The following NACC2 variants were observed in gnomAD, a reference collection of about 807,000 sequenced individuals.
The protein encoded by NACC2 is NACC family member 2.
NACC2 carries 8 observed loss-of-function variants against 25.1 expected under a neutral mutation model. The ratio of observed to expected loss-of-function variants is 0.32; its 90% CI spans 0.19 to 0.57. The LOEUF is 0.57. Ranked by LOEUF, NACC2 falls within the 20% of genes least tolerant of loss-of-function variation. The pLI, the probability that NACC2 is intolerant of heterozygous loss-of-function variation, is 0.89. For synonymous variants in NACC2, 435 were observed against 294.7 expected (o/e 1.48, Z -4.88); for missense variants, 644 against 650.2 (o/e 0.99, Z 0.10).
At chr9:136,036,804 G>C (rs1317047510) in intron 2 of NACC2, among the ~76,000 whole-genome samples, 4 of 152,102 alleles carry the variant, frequency 2.6e-5, no homozygotes, top group African/African-American at 9.7e-5. Context: ...ACTTCTAGAG[G>C]GTAAGGGGCA....
At chr9:136,070,679 AAC>A (rs1215076352) in intron 1 of NACC2, among the ~76,000 whole-genome samples, 13 of 151,106 alleles carry the variant, frequency 8.6e-5, no homozygotes, top group African/African-American at 3.2e-4. Context: ...AAAAAAAAAA[AAC>A]AAAAACCAAA....
chr9:136,085,351 C>T (rs1250714066), intron 1 of NACC2, among the ~76,000 whole-genome samples: 1 of 151,364 alleles, frequency 6.6e-6, no homozygotes, highest in Non-Finnish European at 1.5e-5. Flanking sequence ...TGTGGTGGTG[C>T]ACAAAAATTT....
intron 1 of NACC2, among the ~76,000 whole-genome samples, chr9:136,083,443 A>G (rs1830344635): frequency 1.3e-5 from 2 of 152,218 alleles, no homozygotes; most frequent in Non-Finnish European, 2.9e-5. Flanking sequence ...GCATCTCTCC[A>G]AAATCCACAT....
intron 2 of NACC2, among the ~76,000 whole-genome samples, chr9:136,047,195 G>A (rs1223727489): frequency 6.6e-6 from 1 of 152,114 alleles, no homozygotes; most frequent in African/African-American, 2.4e-5. Context: ...GTGTGAGGAC[G>A]TTCCCCGGAC....
chr9:136,025,914 AAAAC>A (rs1248424700), intron 2 of NACC2, among the ~76,000 whole-genome samples: 2 of 152,084 alleles, frequency 1.3e-5, no homozygotes, highest in African/African-American at 4.8e-5. Flanking sequence ...GACCATCTCG[AAAAC>A]AAACAAAAAA....
chr9:136,031,199 C>T (rs906191007), intron 2 of NACC2, among the ~76,000 whole-genome samples: 1 of 152,124 alleles, frequency 6.6e-6, no homozygotes, highest in Admixed American at 6.5e-5. Flanking sequence ...TCATTAAAGA[C>T]AAGGAAATAA....
At position 136,069,410 on chromosome 9, in the gene NACC2, G is replaced by A. The variant is rs113106016; in HGVS notation, c.-59-18830C>T. ...CTAAAAATACAAAAATTAGCCGGGC[G>A]TGGTGGCAGGCACCTGTAATCTCAG... On this transcript the variant is annotated intron_variant, in intron 1 of 5. Transcript: ENST00000277554. Among the ~76,000 whole-genome samples, 72 of 151,338 alleles carry A rather than the reference G, an allele frequency of 4.8e-4. 2 individuals carry two copies. The highest frequency in any genetic ancestry group is 1.6e-3 in the African/African-American group (65 of 40,870).
At chr9:136,079,339 G>T (rs1830297269) in intron 1 of NACC2, among the ~76,000 whole-genome samples, 1 of 152,206 alleles carries the variant, frequency 6.6e-6, no homozygotes, top group South Asian at 2.1e-4. Flanking sequence ...ATGGAACGGG[G>T]TGCCATCCTC....
At chr9:136,074,866 T>C (rs3922922) in intron 1 of NACC2, among the ~76,000 whole-genome samples, 39,845 of 152,084 alleles carry the variant, frequency 0.26, 5,590 homozygotes, top group African/African-American at 0.34. Flanking sequence ...GCAGGAAGCG[T>C]GGCCTTCCCA....
chr9:136,027,621 A>T (rs1028938144), intron 2 of NACC2, among the ~76,000 whole-genome samples: 1 of 152,028 alleles, frequency 6.6e-6, no homozygotes, highest in African/African-American at 2.4e-5. Context: ...ACATAACACA[A>T]GGGCAAAAGG....
rs915758155 is a variant in NACC2 at position 136,055,234 on chromosome 9, C to A, written c.-59-4654G>T. Among the ~76,000 whole-genome samples, 1 of 152,250 alleles carries A rather than the reference C, an allele frequency of 6.6e-6. No homozygotes were observed. The highest frequency in any genetic ancestry group is 1.5e-5 in the Non-Finnish European group (1 of 68,002). The stretch of plus-strand genomic sequence containing the variant: ...GGCTCACTGGAACTGCAGCCAGACG[C>A]GCACACAGGGGTTGGGGCAGCGTCT... On this transcript the variant is annotated intron_variant, in intron 1 of 5. Transcript: ENST00000277554. This position sits in a 1 kb window ranked among gnomAD's most constrained non-coding sequence, Gnocchi z 4.9.
At chr9:136,016,697 G>A (rs1015358315) in intron 2 of NACC2, among the ~76,000 whole-genome samples, 9 of 152,174 alleles carry the variant, frequency 5.9e-5, no homozygotes, top group African/African-American at 2.2e-4. Context: ...GATGTGAGGC[G>A]AGAGATGCCC....
chr9:136,018,100 C>G lies in NACC2; in HGVS notation c.887-1671G>C, dbSNP rs575894057. On this transcript the variant is annotated intron_variant, in intron 2 of 5. Coordinates refer to ENST00000277554, the MANE Select transcript of NACC2 (RefSeq NM_144653.5). The surrounding 1 kb of genome is among the most constrained non-coding windows in gnomAD (Gnocchi z 4.4). Reference sequence around the variant, plus strand: ...GGGTGGAACCTGCACGTCCAGCAGGCTCGGGGCAGGCAGCTCCATGCAGAG... The same window carrying G: ...GGGTGGAACCTGCACGTCCAGCAGGGTCGGGGCAGGCAGCTCCATGCAGAG... Among the ~76,000 whole-genome samples the G allele has an allele frequency of 1.3e-5, 2 of 152,166 alleles. No homozygotes were observed. The highest frequency in any genetic ancestry group is 2.9e-5 in the Non-Finnish European group (2 of 68,002).
rs1347707377 is a variant in NACC2, at chr9:136,050,530, G to T, written c.-9C>A. On this transcript the variant is annotated 5_prime_UTR_variant, in exon 2 of 6. Transcript: ENST00000277554. ...TGCAGCATCTGAGACATGGCGGGCGGGCAGCGGCGGGGCTGGGCTCTCAGC... is the reference window on the plus strand; with the variant it reads ...TGCAGCATCTGAGACATGGCGGGCGTGCAGCGGCGGGGCTGGGCTCTCAGC... 15 of 758,324 alleles carry T rather than the reference G, an allele frequency of 2.0e-5. No homozygotes were observed. Among genetic ancestry groups the T allele is most frequent in the Non-Finnish European group, 3.1e-5 (13 of 415,656 alleles). 47.0% of individuals were successfully genotyped at this position (758,324 alleles called of 1,614,324 possible). A position where few individuals can be genotyped will look rare whatever the true frequency, so the allele number is the denominator to read the frequency against.
At chr9:136,094,062 G>A (rs142200223) in intron 1 of NACC2, among the ~76,000 whole-genome samples, 19 of 152,302 alleles carry the variant, frequency 1.2e-4, no homozygotes, top group Non-Finnish European at 2.6e-4. Context: ...CAAGGTGCAC[G>A]CGCTCCCGGA....
At chr9:136,051,233 G>C (rs1840829343) in intron 1 of NACC2, among the ~76,000 whole-genome samples, 1 of 152,200 alleles carries the variant, frequency 6.6e-6, no homozygotes. Context: ...CCCTCGCGCA[G>C]AGAGACCACC....
At chr9:136,034,059 GA>G (rs1246023461) in intron 2 of NACC2, among the ~76,000 whole-genome samples, 1 of 151,998 alleles carries the variant, frequency 6.6e-6, no homozygotes, top group African/African-American at 2.4e-5. Flanking sequence ...GAAAGATTCA[GA>G]AAAAATTTTT....
At chr9:136,062,871 C>T (rs116866113) in intron 1 of NACC2, among the ~76,000 whole-genome samples, 4,116 of 152,240 alleles carry the variant, frequency 0.027, 71 homozygotes, top group Non-Finnish European at 0.041. Flanking sequence ...GTGCCGTGAT[C>T]GTGCCACTGT....
chr9:136,043,073 G>C (rs915067910), intron 2 of NACC2, among the ~76,000 whole-genome samples: 1 of 152,066 alleles, frequency 6.6e-6, no homozygotes, highest in Non-Finnish European at 1.5e-5. Flanking sequence ...AGGTAGACAA[G>C]GATTTCTCGA....
Sources: allele counts gnomAD v4.1 joint callset (sites outside exome capture counted in the v4.1 genomes callset), GRCh38; gene constraint gnomAD v4.1.1; non-coding constraint Gnocchi (gnomAD v3.1); transcripts MANE v1.5; gene names NCBI Gene and HGNC (gene_info 2026-07-23, HGNC 2026-07-21).